Variants in GAL3ST3 observed in about 807,000 individuals in gnomAD.
GAL3ST3 encodes the protein galactose-3-O-sulfotransferase 3.
A neutral mutation model predicts 20.8 loss-of-function variants in GAL3ST3; 21 were observed. That is an observed-to-expected ratio of 1.01 (90% CI 0.72 to 1.45). The LOEUF (loss-of-function observed/expected upper bound fraction) is 1.45, where lower values mean the gene tolerates loss of function less well. Among genes scored for constraint, GAL3ST3 ranks in the 40% most tolerant of loss-of-function variants. The pLI, the probability that GAL3ST3 is intolerant of heterozygous loss-of-function variation, is 0.00. For synonymous variants in GAL3ST3, 355 were observed against 307.2 expected (o/e 1.16, Z -1.63); for missense variants, 739 against 662.7 (o/e 1.12, Z -1.26).
chr11:66,048,359 C>T (rs1177202854), intron 1 of GAL3ST3, among the ~76,000 whole-genome samples: 1 of 152,168 alleles, frequency 6.6e-6, no homozygotes, highest in African/African-American at 2.4e-5. Context: ...GGTGCCCACC[C>T]TCCTAAAGGA....
rs1159812969 is a variant in GAL3ST3, at chr11:66,041,317, T to C, written c.*1190A>G. ...GTTTTTTATCACTTGTCCAGATACG[T>C]CGATATAGCTCTGAAGAAAGTAACA... On this transcript the variant is annotated 3_prime_UTR_variant, in exon 3 of 3. Coordinates refer to ENST00000312006, the MANE Select transcript of GAL3ST3 (RefSeq NM_033036.3). Among the ~76,000 whole-genome samples the C allele has an allele frequency of 6.6e-6, 1 of 152,212 alleles. No individual in the cohort carries two copies. The highest frequency in any genetic ancestry group is 1.5e-5 in the Non-Finnish European group (1 of 68,042).
chr11:66,046,554 T>G (rs1027483932), intron 1 of GAL3ST3, among the ~76,000 whole-genome samples: 8 of 152,158 alleles, frequency 5.3e-5, no homozygotes, highest in African/African-American at 1.9e-4. Flanking sequence ...ACGGAGGATC[T>G]CCAGGAGAAG....
In GAL3ST3 at chr11:66,043,642, A is replaced by C; in HGVS notation, c.161T>G (p.Leu54Arg). 1 of 1,610,922 alleles carries C rather than the reference A, an allele frequency of 6.2e-7. No homozygotes were observed. The highest frequency in any genetic ancestry group is 8.5e-7 in the Non-Finnish European group (1 of 1,178,450). ...PKLFPLSCPP[L>R]RNSPPRPKHM... ...CTTGGGGCGCGGCGGCGAGTTCCGC[A>C]GAGGAGGGCAGCTCAAGGGGAACAG... Residue 54 changes from leucine (L) to arginine (R), a missense_variant, in exon 3 of 3, where the codon CTG (leucine) becomes CGG (arginine). Coordinates refer to ENST00000312006, the MANE Select transcript of GAL3ST3 (RefSeq NM_033036.3).
chr11:66,045,724 G>C (rs1350309032), intron 1 of GAL3ST3, 197 bp from the exon 2 acceptor site: 1 of 243,482 alleles, frequency 4.1e-6, no homozygotes, highest in Non-Finnish European at 7.9e-6. Context: ...ACAGGGTCTG[G>C]GGTGTAGCCA....
At chr11:66,047,505 A>T (rs868588074) in intron 1 of GAL3ST3, among the ~76,000 whole-genome samples, 1 of 152,042 alleles carries the variant, frequency 6.6e-6, no homozygotes, top group Non-Finnish European at 1.5e-5. Context: ...ACTTCCCTAC[A>T]TGGCTGAGCT....
chr11:66,043,815 C>G, intron 2 of GAL3ST3, 138 bp from the exon 3 acceptor site: 1 of 710,288 alleles, frequency 1.4e-6, no homozygotes, highest in Non-Finnish European at 2.3e-6. Context: ...GAGGGCGGTG[C>G]TTGGTAGCCT....
At chr11:66,046,033 C>T in intron 1 of GAL3ST3, among the ~76,000 whole-genome samples, 1 of 152,202 alleles carries the variant, frequency 6.6e-6, no homozygotes, top group East Asian at 1.9e-4. Context: ...ATACTGCAGG[C>T]TTACTCTATG....
In GAL3ST3 at chr11:66,040,999, T is replaced by G. The variant is rs1856696446; in HGVS notation, c.*1508A>C. On this transcript the variant is annotated 3_prime_UTR_variant, in exon 3 of 3. Coordinates refer to ENST00000312006, the MANE Select transcript of GAL3ST3 (RefSeq NM_033036.3). Reference sequence around the variant, plus strand: ...CTGGATAAAGAGTTGCTGATAGCAGTGTCCTGGTTCTTCCCTTTACATTCT... The same window carrying G: ...CTGGATAAAGAGTTGCTGATAGCAGGGTCCTGGTTCTTCCCTTTACATTCT... 6.6e-6 allele frequency among the ~76,000 whole-genome samples: 1 copy of G among 152,216 alleles called. No homozygotes were observed. The highest frequency in any genetic ancestry group is 2.4e-5 in the African/African-American group (1 of 41,460).
chr11:66,043,314 G>A lies in GAL3ST3; in HGVS notation c.489C>T (p.Ser163=). Residue 163 remains serine, a synonymous_variant, in exon 3 of 3, where the codon AGC becomes AGT. Transcript: ENST00000312006. ...EPAAMFESLF[S]YYNQYCPAFR... Reference sequence around the variant, plus strand: ...AGGCCGGGCAGTACTGGTTGTAGTAGCTGAAGAGCGACTCGAACATGGCGG... The same window carrying A: ...AGGCCGGGCAGTACTGGTTGTAGTAACTGAAGAGCGACTCGAACATGGCGG... 6.2e-7 allele frequency: 1 copy of A among 1,612,404 alleles called. No homozygotes were observed. Among genetic ancestry groups the A allele is most frequent in the Middle Eastern group, 1.7e-4 (1 of 6,058 alleles).
chr11:66,040,767 T>C lies in GAL3ST3; in HGVS notation c.*1740A>G, dbSNP rs539676001. On this transcript the variant is annotated 3_prime_UTR_variant, in exon 3 of 3. Coordinates refer to ENST00000312006, the MANE Select transcript of GAL3ST3 (RefSeq NM_033036.3). ...GTTTTTGGATAGATCACTTTGAGTC[T>C]GGTACAATTCTTTACTGCTGCTTAA... Among the ~76,000 whole-genome samples, 3 of 152,326 alleles carry C rather than the reference T, an allele frequency of 2.0e-5. No individual in the cohort carries two copies. The highest frequency in any genetic ancestry group is 7.2e-5 in the African/African-American group (3 of 41,566).
At position 66,043,658 on chromosome 11, in the gene GAL3ST3, A is replaced by AG; in HGVS notation, c.144dup (p.Ser50GlufsTer165). On this transcript the variant is annotated frameshift_variant, in exon 3 of 3. Transcript: ENST00000312006. LOFTEE classifies it high-confidence loss of function. ...GAGTTCCGCAGAGGAGGGCAGCTCAAGGGGAACAGCTTGGGGTACCTGCCA... is the reference window on the plus strand; with the variant it reads ...GAGTTCCGCAGAGGAGGGCAGCTCAAGGGGGAACAGCTTGGGGTACCTGCCA... 1 of 1,606,758 alleles carries AG rather than the reference A, an allele frequency of 6.2e-7. No individual in the cohort carries two copies. Among genetic ancestry groups the AG allele is most frequent in the Non-Finnish European group, 8.5e-7 (1 of 1,175,392 alleles).
At position 66,043,221 on chromosome 11, in the gene GAL3ST3, G is replaced by T. The variant is rs146692707; in HGVS notation, c.582C>A (p.Gly194=). The change falls in exon 3 of 3, where the codon GGC becomes GGA. Residue 194 remains glycine, a synonymous_variant. Transcript: ENST00000312006. ...TGTGTGCGAACATGGCGAAGTGCTC[G>T]CCAGCGCGGTAGTATGCCTCGGGCG... is the stretch of plus-strand genomic sequence containing the variant. ...LRAPEAYYRA[G]EHFAMFAHNT... 6.2e-7 allele frequency: 1 copy of T among 1,612,254 alleles called. No homozygotes were observed. Among genetic ancestry groups the T allele is most frequent in the African/African-American group, 1.3e-5 (1 of 74,900 alleles).
Position 66,043,423 on chromosome 11 carries a change from G to C in GAL3ST3, c.380C>G (p.Ala127Gly). The C allele has an allele frequency of 6.2e-7, 1 of 1,609,214 alleles. No homozygotes were observed. Among genetic ancestry groups the C allele is most frequent in the East Asian group, 2.2e-5 (1 of 44,726 alleles). The change falls in exon 3 of 3, where the codon GCC (alanine) becomes GGC (glycine). Residue 127 changes from alanine (A) to glycine (G), a missense_variant. Coordinates refer to ENST00000312006, the MANE Select transcript of GAL3ST3 (RefSeq NM_033036.3). ...HPATRPPHVL[A>G]SHLRFDRAEL... ...CGCACGGTCGAAGCGCAGGTGGCTGGCCAGCACGTGCGGCGGCCGCGTGGC... is the reference window on the plus strand; with the variant it reads ...CGCACGGTCGAAGCGCAGGTGGCTGCCCAGCACGTGCGGCGGCCGCGTGGC...
rs1856749101 is a variant in GAL3ST3 at position 66,043,652 on chromosome 11, A to G, written c.151T>C (p.Cys51Arg). The G allele has an allele frequency of 1.2e-6, 2 of 1,607,888 alleles. No individual in the cohort carries two copies. The highest frequency in any genetic ancestry group is 1.3e-5 in the African/African-American group (1 of 74,824). Residue 51 changes from cysteine to arginine, a missense_variant, in exon 3 of 3, where the codon TGC becomes CGC. Transcript: ENST00000312006. ...SWYPKLFPLSCPPLRNSPPRP... is the reference protein window; with the variant it reads ...SWYPKLFPLSRPPLRNSPPRP... ...GGCGGCGAGTTCCGCAGAGGAGGGC[A>G]GCTCAAGGGGAACAGCTTGGGGTAC...
chr11:66,043,492 T>G lies in GAL3ST3; in HGVS notation c.311A>C (p.Gln104Pro). The G allele has an allele frequency of 6.2e-7, 1 of 1,610,554 alleles. No homozygotes were observed. The highest frequency in any genetic ancestry group is 2.2e-5 in the East Asian group (1 of 44,812). Residue 104 changes from glutamine (Q) to proline (P), a missense_variant, in exon 3 of 3, where the codon CAG (glutamine) becomes CCG (proline). Gln to Pro is a moderately conservative substitution (Grantham distance 76, BLOSUM62 -1). Transcript: ENST00000312006. ...VALPHPSCEH[Q>P]FCYPRNFSAH... is the part of the protein sequence containing the mutation. Reference sequence around the variant, plus strand: ...CGAGAAGTTGCGGGGGTAGCAGAACTGGTGCTCGCAGCTCGGGTGCGGCAG... The same window carrying G: ...CGAGAAGTTGCGGGGGTAGCAGAACGGGTGCTCGCAGCTCGGGTGCGGCAG...
In GAL3ST3 at chr11:66,042,496, G is replaced by T; in HGVS notation, c.*11C>A. ...CAGGGCAGGACCCATACTCCTGGAGGCCTGCGGAGCTCAGGGACCTTGAGG... is the reference window on the plus strand; with the variant it reads ...CAGGGCAGGACCCATACTCCTGGAGTCCTGCGGAGCTCAGGGACCTTGAGG... On this transcript the variant is annotated 3_prime_UTR_variant, in exon 3 of 3. Transcript: ENST00000312006. 6.9e-7 allele frequency: 1 copy of T among 1,457,536 alleles called. No homozygotes were observed. The highest frequency in any genetic ancestry group is 9.0e-7 in the Non-Finnish European group (1 of 1,111,996). 90.3% of individuals were successfully genotyped at this position (1,457,536 alleles called of 1,614,324 possible).
intron 2 of GAL3ST3, among the ~76,000 whole-genome samples, chr11:66,043,929 A>C (rs1409723399): frequency 2.0e-5 from 3 of 152,144 alleles, no homozygotes; most frequent in Non-Finnish European, 4.4e-5. Context: ...TAAAGAAGAG[A>C]AGAGGGCAGA....
In GAL3ST3 at chr11:66,042,718, ACC is replaced by A; in HGVS notation, c.1083_1084del (p.Lys361AsnfsTer7). On this transcript the variant is annotated frameshift_variant, in exon 3 of 3. Coordinates refer to ENST00000312006, the MANE Select transcript of GAL3ST3 (RefSeq NM_033036.3). LOFTEE classifies it high-confidence loss of function. ...GGGCAGGTCATAGCCCATAATGTCCACCTTGCGGCTGGGCTGCCACGGCTGCA... is the reference window on the plus strand; with the variant it reads ...GGGCAGGTCATAGCCCATAATGTCCATTGCGGCTGGGCTGCCACGGCTGCA... 1.3e-6 allele frequency: 2 copies of A among 1,533,350 alleles called. No individual in the cohort carries two copies. Among genetic ancestry groups the A allele is most frequent in the Non-Finnish European group, 1.7e-6 (2 of 1,145,570 alleles). 95.0% of individuals were successfully genotyped at this position (1,533,350 alleles called of 1,614,324 possible).
chr11:66,046,501 C>CG (rs1423573918), intron 1 of GAL3ST3, among the ~76,000 whole-genome samples: 1 of 152,176 alleles, frequency 6.6e-6, no homozygotes, highest in Non-Finnish European at 1.5e-5. Context: ...GCAGCCTGGG[C>CG]GGGGTGTGGG....
Sources: allele counts gnomAD v4.1 joint callset (sites outside exome capture counted in the v4.1 genomes callset), GRCh38; gene constraint gnomAD v4.1.1; transcripts MANE v1.5; gene names NCBI Gene and HGNC (gene_info 2026-07-23, HGNC 2026-07-21).